GOLGA5: variants seen among roughly 807,000 people sequenced by gnomAD.
GOLGA5 encodes golgin subfamily A member 5.
Under a neutral mutation model 93.5 loss-of-function variants are expected in GOLGA5, and 50 were observed. The observed-to-expected ratio is 0.53, with a 90% CI of 0.43 to 0.68. The LOEUF (loss-of-function observed/expected upper bound fraction) is 0.68, where lower values mean the gene tolerates loss of function less well. GOLGA5 is among the 30% of genes least tolerant of loss of function. GOLGA5 has a pLI of 0.00. For synonymous variants in GOLGA5, 312 were observed against 304.5 expected (o/e 1.02, Z -0.26); for missense variants, 760 against 856.4 (o/e 0.89, Z 1.40).
chr14:92,801,676 TAA>T (rs1884874165), intron 2 of GOLGA5, among the ~76,000 whole-genome samples: 2 of 152,084 alleles, frequency 1.3e-5, no homozygotes, highest in South Asian at 2.1e-4. Flanking sequence ...ACTGAGATCA[TAA>T]AGATATTTTT....
chr14:92,805,910 AAAAC>A (rs1156597563), intron 2 of GOLGA5, among the ~76,000 whole-genome samples: 1 of 152,018 alleles, frequency 6.6e-6, no homozygotes, highest in Non-Finnish European at 1.5e-5. Flanking sequence ...TTTAGTAACA[AAAAC>A]AAGATTAATC....
chr14:92,818,521 A>G (rs1401344040), intron 7 of GOLGA5, among the ~76,000 whole-genome samples: 1 of 152,140 alleles, frequency 6.6e-6, no homozygotes, highest in African/African-American at 2.4e-5. Flanking sequence ...TGCCCGATGT[A>G]GTCAAATTGA....
intron 1 of GOLGA5, 107 bp from the exon 2 acceptor site, chr14:92,797,301 T>C (rs1443514635): frequency 3.3e-6 from 2 of 602,260 alleles, no homozygotes; most frequent in Non-Finnish European, 5.7e-6. Flanking sequence ...TAGTAAAAGG[T>C]AGGGTTAGGA....
chr14:92,794,840 C>T (rs946597323), intron 1 of GOLGA5, among the ~76,000 whole-genome samples: 1 of 152,160 alleles, frequency 6.6e-6, no homozygotes, highest in African/African-American at 2.4e-5. Flanking sequence ...TGACGCCTGG[C>T]CTTCGAAGCA....
chr14:92,839,337 A>T, intron 12 of GOLGA5, 29 bp from the exon 13 acceptor site: 2 of 1,524,384 alleles, frequency 1.3e-6, no homozygotes, highest in Non-Finnish European at 9.1e-7. Flanking sequence ...TTTATTGGCT[A>T]ATCCACAAAT....
chr14:92,809,815 C>T (rs1232795258), intron 4 of GOLGA5, among the ~76,000 whole-genome samples: 2 of 151,996 alleles, frequency 1.3e-5, no homozygotes, highest in African/African-American at 2.4e-5. Context: ...AAAAATTAGC[C>T]GGGGGTGGTG....
chr14:92,797,884 C>T lies in GOLGA5; in HGVS notation c.447C>T (p.Val149=), dbSNP rs376035342. The T allele has an allele frequency of 6.8e-6, 11 of 1,612,864 alleles. No homozygotes were observed. Among genetic ancestry groups the T allele is most frequent in the Non-Finnish European group, 9.3e-6 (11 of 1,178,922 alleles). Residue 149 remains valine (V), a synonymous_variant, in exon 2 of 13, where the codon GTC becomes GTT. Coordinates refer to ENST00000163416, the MANE Select transcript of GOLGA5 (RefSeq NM_005113.4). ...EIRKEKGKTP[V]FQSSQTSSVS... is the part of the protein sequence containing the mutation. ...GAAAGGAAAAAGGCAAGACACCTGT[C>T]TTTCAGAGCTCTCAGACATCAAGTG...
Position 92,810,308 on chromosome 14 carries a change from T to G in GOLGA5, c.1047T>G (p.Thr349=), listed in dbSNP as rs1406834612. The change falls in exon 5 of 13, where the codon ACT becomes ACG. Residue 349 remains threonine (T), a synonymous_variant. Coordinates refer to ENST00000163416, the MANE Select transcript of GOLGA5 (RefSeq NM_005113.4). Reference sequence around the variant, plus strand: ...GCCTGCAGAATCAAGCTCTGCAGACTTTTCAGGAGAGACTGCATGAAGCGG... The same window carrying G: ...GCCTGCAGAATCAAGCTCTGCAGACGTTTCAGGAGAGACTGCATGAAGCGG... ...GNSLQNQALQ[T]FQERLHEADA... The G allele has an allele frequency of 6.2e-7, 1 of 1,604,428 alleles. No homozygotes were observed. Among genetic ancestry groups the G allele is most frequent in the African/African-American group, 1.3e-5 (1 of 74,552 alleles).
At chr14:92,820,712 G>A (rs1047759159) in intron 8 of GOLGA5, among the ~76,000 whole-genome samples, 13 of 152,248 alleles carry the variant, frequency 8.5e-5, no homozygotes, top group Middle Eastern at 3.4e-3. Flanking sequence ...CTGGTTTATC[G>A]AGACTGGAGA....
In GOLGA5 at chr14:92,811,724, C is replaced by G. The variant is rs377092695; in HGVS notation, c.1290C>G (p.Asp430Glu). ...AGTCCTCTAAGCAGGAATTAATTGACTACAAGCAAAAAGCTACTAGAATAC... is the reference window on the plus strand; with the variant it reads ...AGTCCTCTAAGCAGGAATTAATTGAGTACAAGCAAAAAGCTACTAGAATAC... ...NLESSKQELI[D>E]YKQKATRILQ... Residue 430 changes from aspartate to glutamate, a missense_variant, in exon 6 of 13, where the codon GAC (aspartate) becomes GAG (glutamate). Coordinates refer to ENST00000163416, the MANE Select transcript of GOLGA5 (RefSeq NM_005113.4). 1.9e-6 allele frequency: 3 copies of G among 1,612,152 alleles called. No individual in the cohort carries two copies. The highest frequency in any genetic ancestry group is 2.5e-6 in the Non-Finnish European group (3 of 1,178,810).
chr14:92,816,376 A>C lies in GOLGA5; in HGVS notation c.1446A>C (p.Ile482=). Residue 482 remains isoleucine (I), a synonymous_variant, in exon 7 of 13, where the codon ATA becomes ATC. Coordinates refer to ENST00000163416, the MANE Select transcript of GOLGA5 (RefSeq NM_005113.4). ...RHEKEMQREE[I]QKLMGQIHQL... ...AGAAAGAGATGCAGAGGGAGGAAATACAGAAGCTGATGGGCCAGATACATC... is the reference window on the plus strand; with the variant it reads ...AGAAAGAGATGCAGAGGGAGGAAATCCAGAAGCTGATGGGCCAGATACATC... 1 of 1,614,118 alleles carries C rather than the reference A, an allele frequency of 6.2e-7. No homozygotes were observed. Among genetic ancestry groups the C allele is most frequent in the Non-Finnish European group, 8.5e-7 (1 of 1,179,966 alleles).
chr14:92,831,582 C>G lies in GOLGA5; in HGVS notation c.1720-1540C>G, dbSNP rs143009137. Among the ~76,000 whole-genome samples the G allele has an allele frequency of 7.9e-4, 120 of 152,274 alleles. 1 individual carries two copies. Among genetic ancestry groups the G allele is most frequent in the African/African-American group, 2.7e-3 (114 of 41,544 alleles). ...TTGATCTTGATGCTGACTATACCGT[C>G]AAACATTTGTCACAGTTCGTTTTTT... On this transcript the variant is annotated intron_variant, in intron 9 of 12. Coordinates refer to ENST00000163416, the MANE Select transcript of GOLGA5 (RefSeq NM_005113.4).
chr14:92,815,301 G>A lies in GOLGA5; in HGVS notation c.1321-950G>A, dbSNP rs145648585. Among the ~76,000 whole-genome samples the A allele has an allele frequency of 2.2e-3, 339 of 152,296 alleles. 2 individuals are homozygous for A. Among genetic ancestry groups the A allele is most frequent in the African/African-American group, 7.7e-3 (319 of 41,560 alleles). The stretch of plus-strand genomic sequence containing the variant: ...AGGCCAACATTTATGCTCTCTTAAA[G>A]TCTCCTCTTACCCAGAAGTGGTTTT... On this transcript the variant is annotated intron_variant, in intron 6 of 12. Transcript: ENST00000163416.
At chr14:92,827,708 G>A (rs191669772) in intron 9 of GOLGA5, among the ~76,000 whole-genome samples, 2 of 152,278 alleles carry the variant, frequency 1.3e-5, no homozygotes, top group African/African-American at 4.8e-5. Context: ...TAGGCCTATT[G>A]GCACCAGTCA....
At chr14:92,794,915 C>T (rs1209841712) in intron 1 of GOLGA5, among the ~76,000 whole-genome samples, 1 of 152,166 alleles carries the variant, frequency 6.6e-6, no homozygotes, top group Non-Finnish European at 1.5e-5. Flanking sequence ...TGGGCAGTGT[C>T]TGGGGAATTG....
rs1254186509 is a variant in GOLGA5 at position 92,835,604 on chromosome 14, C to G, written c.1991C>G (p.Thr664Ser). 6.2e-7 allele frequency: 1 copy of G among 1,613,630 alleles called. No individual in the cohort carries two copies. Among genetic ancestry groups the G allele is most frequent in the Admixed American group, 1.7e-5 (1 of 60,014 alleles). Residue 664 changes from threonine to serine, a missense_variant, in exon 11 of 13, where the codon ACT becomes AGT. By Grantham distance (58) the Thr-to-Ser change is moderately conservative. Transcript: ENST00000163416. ...CCTGTTCTTTTTAATGACACAGAAA[C>G]TAATCTGGCAGGAATGTACGGAAAA... ...NVPVLFNDTE[T>S]NLAGMYGKVR...
intron 7 of GOLGA5, 87 bp downstream of exon 7, chr14:92,816,508 G>T (rs748536109): frequency 2.8e-5 from 31 of 1,096,014 alleles, no homozygotes; most frequent in Non-Finnish European, 3.9e-5. Flanking sequence ...CATTACTAAA[G>T]CGATAGGTTT....
chr14:92,807,877 G>T (rs1885022688), intron 3 of GOLGA5, among the ~76,000 whole-genome samples: 1 of 152,158 alleles, frequency 6.6e-6, no homozygotes, highest in South Asian at 2.1e-4. Flanking sequence ...GGAGTGAGGG[G>T]ATGGTGGGAA....
At chr14:92,798,607 C>T (rs781519238) in intron 2 of GOLGA5, among the ~76,000 whole-genome samples, 8 of 152,344 alleles carry the variant, frequency 5.3e-5, no homozygotes, top group Middle Eastern at 3.4e-3. Context: ...AATTCAAGTA[C>T]CTACTAACTG....
Sources: allele counts gnomAD v4.1 joint callset (sites outside exome capture counted in the v4.1 genomes callset), GRCh38; gene constraint gnomAD v4.1.1; transcripts MANE v1.5; gene names NCBI Gene and HGNC (gene_info 2026-07-23, HGNC 2026-07-21).